The following BEND5 variants were observed in gnomAD, a reference collection of about 807,000 sequenced individuals.
BEND5 encodes BEN domain-containing protein 5.
Under a neutral mutation model 43.9 loss-of-function variants are expected in BEND5, and 22 were observed. The observed-to-expected ratio is 0.50, with a 90% confidence interval of 0.36 to 0.72. The LOEUF (loss-of-function observed/expected upper bound fraction) is 0.72. BEND5 is among the 30% of genes least tolerant of loss of function. The probability of loss-of-function intolerance (pLI) is 0.00; values close to 1 mark genes in which losing one functional copy is unlikely to be tolerated. For synonymous variants in BEND5, 228 were observed against 225.9 expected (o/e 1.01, Z -0.08); for missense variants, 428 against 550.6 (o/e 0.78, Z 2.23).
rs1649161979 is a variant in BEND5 at position 48,736,988 on chromosome 1, A to T, written c.895-536T>A. ...ACAGGGGTCACCTAGGGAGCTGTAAAAATCACCAGTGACAGCCAGGCATGG... is the reference window on the plus strand; with the variant it reads ...ACAGGGGTCACCTAGGGAGCTGTAATAATCACCAGTGACAGCCAGGCATGG... On this transcript the variant is annotated intron_variant, in intron 4 of 5. Transcript: ENST00000371833. This position sits in a 1 kb window ranked among gnomAD's most constrained non-coding sequence, Gnocchi z 4.0. 6.6e-6 allele frequency among the ~76,000 whole-genome samples: 1 copy of T among 152,174 alleles called. No individual in the cohort carries two copies. The highest frequency in any genetic ancestry group is 2.1e-4 in the South Asian group (1 of 4,826).
chr1:48,764,132 T>A (rs1644413314), intron 1 of BEND5, among the ~76,000 whole-genome samples: 1 of 152,118 alleles, frequency 6.6e-6, no homozygotes, highest in Non-Finnish European at 1.5e-5. Flanking sequence ...AATGCTGAAT[T>A]TGAATAAGGG....
chr1:48,741,032 C>A (rs1229934351), intron 4 of BEND5, among the ~76,000 whole-genome samples: 1 of 152,178 alleles, frequency 6.6e-6, no homozygotes, highest in Non-Finnish European at 1.5e-5. Context: ...TTGAGAGACT[C>A]ATTTTCTGGG....
At chr1:48,747,019 G>A (rs1448339902) in intron 3 of BEND5, among the ~76,000 whole-genome samples, 2 of 152,218 alleles carry the variant, frequency 1.3e-5, no homozygotes, top group Admixed American at 6.5e-5. Flanking sequence ...GCAAATTTTA[G>A]TCGGCTTCAC....
intron 5 of BEND5, among the ~76,000 whole-genome samples, chr1:48,730,655 C>T (rs1049915225): frequency 6.6e-6 from 1 of 152,142 alleles, no homozygotes; most frequent in Non-Finnish European, 1.5e-5. Flanking sequence ...TGGGTAACAG[C>T]ACTGAACGAA....
At chr1:48,773,766 C>T (rs1644947099) in intron 1 of BEND5, among the ~76,000 whole-genome samples, 2 of 152,168 alleles carry the variant, frequency 1.3e-5, no homozygotes, top group Admixed American at 1.3e-4. Flanking sequence ...AGCTGTGTGG[C>T]TGTAGGCAAG....
chr1:48,740,389 A>G (rs948516217), intron 4 of BEND5, among the ~76,000 whole-genome samples: 7 of 152,170 alleles, frequency 4.6e-5, no homozygotes, highest in Admixed American at 6.5e-5. Context: ...TTCTCTGGAT[A>G]TGTTTCCCTA....
intron 1 of BEND5, among the ~76,000 whole-genome samples, chr1:48,770,599 T>A (rs1401453370): frequency 6.6e-6 from 1 of 152,250 alleles, no homozygotes; most frequent in Admixed American, 6.5e-5. Flanking sequence ...TGACTTGGAA[T>A]GCTCTTCTGA....
At chr1:48,739,938 G>A (rs570941197) in intron 4 of BEND5, among the ~76,000 whole-genome samples, 1 of 152,318 alleles carries the variant, frequency 6.6e-6, no homozygotes, top group South Asian at 2.1e-4. Flanking sequence ...TTTGCCACCT[G>A]ATTCAGTCCT....
chr1:48,737,460 G>GC (rs2148580467), intron 4 of BEND5, among the ~76,000 whole-genome samples: 1 of 152,266 alleles, frequency 6.6e-6, no homozygotes, highest in South Asian at 2.1e-4. Context: ...TTGGAGTAGG[G>GC]CTGTGCCAGT....
chr1:48,745,977 T>C (rs1462605790), intron 3 of BEND5, among the ~76,000 whole-genome samples: 3 of 152,076 alleles, frequency 2.0e-5, no homozygotes, highest in East Asian at 3.9e-4. Context: ...GAAAGGAGGC[T>C]TGAGGACAGC....
intron 3 of BEND5, among the ~76,000 whole-genome samples, chr1:48,748,698 T>C (rs1308464427): frequency 6.6e-6 from 1 of 152,082 alleles, no homozygotes; most frequent in Non-Finnish European, 1.5e-5. Context: ...TGTGATGATC[T>C]GCATGAATTT....
Position 48,759,027 on chromosome 1 carries a change from C to A in BEND5, c.618G>T (p.Arg206=), listed in dbSNP as rs1644108831. 6.2e-7 allele frequency: 1 copy of A among 1,614,050 alleles called. No homozygotes were observed. Among genetic ancestry groups the A allele is most frequent in the South Asian group, 1.1e-5 (1 of 91,022 alleles). The change falls in exon 3 of 6, where the codon CGG becomes CGT. Residue 206 remains arginine, a synonymous_variant. Coordinates refer to ENST00000371833, the MANE Select transcript of BEND5 (RefSeq NM_024603.4). ...CCTGTTGTACCAGCTGCCTCCGAGT[C>A]CGCTCCAGCTCCTGCTGGAGGTGGC... is the stretch of plus-strand genomic sequence containing the variant. ...EMRHLQQELE[R]TRRQLVQQAK...
At chr1:48,746,388 GCAGGT>G (rs1650767685) in intron 3 of BEND5, among the ~76,000 whole-genome samples, 1 of 152,060 alleles carries the variant, frequency 6.6e-6, no homozygotes, top group East Asian at 2.0e-4. Context: ...CCAGCACAGA[GCAGGT>G]CCTTGTACTC....
chr1:48,729,648 C>A (rs981591967), intron 5 of BEND5, among the ~76,000 whole-genome samples: 3 of 152,114 alleles, frequency 2.0e-5, no homozygotes, highest in Admixed American at 2.0e-4. Flanking sequence ...GAATCCACTG[C>A]TACCTGCCCA....
intron 3 of BEND5, among the ~76,000 whole-genome samples, chr1:48,755,882 T>C (rs1570531303): frequency 6.6e-6 from 1 of 152,192 alleles, no homozygotes; most frequent in East Asian, 1.9e-4. Context: ...ACTGATTGAA[T>C]AAACAAATGA....
intron 1 of BEND5, among the ~76,000 whole-genome samples, chr1:48,763,796 G>A (rs141451215): frequency 4.6e-5 from 7 of 152,328 alleles, no homozygotes; most frequent in African/African-American, 1.4e-4. Context: ...AAATGCAGAT[G>A]AGAAAAACAA....
intron 3 of BEND5, among the ~76,000 whole-genome samples, chr1:48,752,020 T>C (rs1651819718): frequency 6.6e-6 from 1 of 152,218 alleles, no homozygotes; most frequent in Admixed American, 6.5e-5. Flanking sequence ...CCACTTCTTA[T>C]TACTAGGTCT....
chr1:48,757,682 A>G (rs1159083999), intron 3 of BEND5, among the ~76,000 whole-genome samples: 3 of 152,260 alleles, frequency 2.0e-5, no homozygotes, highest in Admixed American at 6.5e-5. Context: ...TTTAAGAAGC[A>G]AATGACACCT....
At chr1:48,762,936 C>T (rs1644350540) in intron 1 of BEND5, among the ~76,000 whole-genome samples, 1 of 152,014 alleles carries the variant, frequency 6.6e-6, no homozygotes, top group African/African-American at 2.4e-5. Context: ...CAAGTCTCTC[C>T]TCATAATGGA....
Sources: gnomAD v4.1 joint callset for allele counts (sites outside exome capture counted in the v4.1 genomes callset) on GRCh38, gnomAD v4.1.1 for gene constraint, Gnocchi (gnomAD v3.1) non-coding constraint, MANE v1.5 for transcripts, NCBI Gene and HGNC (gene_info 2026-07-23, HGNC 2026-07-21) for gene names.